PCDH11X: variants seen among roughly 807,000 people sequenced by gnomAD.
PCDH11X encodes protocadherin-11 X-linked.
A neutral mutation model predicts 53.3 loss-of-function variants in PCDH11X; 18 were observed. The observed-to-expected ratio is 0.34, with a 90% CI of 0.23 to 0.50. The LOEUF (loss-of-function observed/expected upper bound fraction) is 0.50, where lower values mean the gene tolerates loss of function less well. Ranked by LOEUF, PCDH11X falls within the 20% of genes least tolerant of loss-of-function variation. The pLI is 0.98. For missense variants in PCDH11X, 570 were observed against 1,032.4 expected, an observed-to-expected ratio of 0.55 and a Z score of 6.14; for synonymous variants, 279 against 393.3, an observed-to-expected ratio of 0.71 and a Z score of 3.44.
At chrX:92,314,413 C>G (rs1156303313) in intron 8 of PCDH11X, among the ~76,000 whole-genome samples, 3 of 111,073 alleles carry the variant, frequency 2.7e-5, no homozygotes, top group African/African-American at 9.8e-5. Flanking sequence ...GAAGGACATG[C>G]CTGAGACTCT....
chrX:92,411,428 TC>T (rs1016664788), intron 9 of PCDH11X, among the ~76,000 whole-genome samples: 3 of 109,368 alleles, frequency 2.7e-5, no homozygotes, highest in African/African-American at 1.0e-4. Flanking sequence ...CCCTCTTTTT[TC>T]CCACCAACCC....
chrX:91,856,374 G>A (rs1938337094), intron 5 of PCDH11X, among the ~76,000 whole-genome samples: 1 of 106,061 alleles, frequency 9.4e-6, no homozygotes, highest in African/African-American at 3.4e-5. Context: ...TCTTTCTAAT[G>A]TATTGTTGAA....
At chrX:92,156,707 A>G in intron 6 of PCDH11X, among the ~76,000 whole-genome samples, 1 of 112,146 alleles carries the variant, frequency 8.9e-6, no homozygotes, top group South Asian at 3.7e-4. Flanking sequence ...CTAGCATATT[A>G]GAGTTGTTAA....
chrX:92,472,882 C>G lies in PCDH11X; in HGVS notation c.3367+4560C>G, dbSNP rs188384791. On this transcript the variant is annotated intron_variant, in intron 10 of 10. Transcript: ENST00000682573. The stretch of plus-strand genomic sequence containing the variant: ...CCAAGGTATTTTATTCTTTTTGTGG[C>G]AAATGTGAATAGGCATCTGTTTGTG... Among the ~76,000 whole-genome samples the G allele has an allele frequency of 8.8e-3, 971 of 110,692 alleles. 10 individuals carry two copies. Among genetic ancestry groups the G allele is most frequent in the African/African-American group, 0.03 (922 of 30,471 alleles).
intron 6 of PCDH11X, among the ~76,000 whole-genome samples, chrX:92,095,116 C>A (rs1404669370): frequency 9.0e-6 from 1 of 110,870 alleles, no homozygotes; most frequent in East Asian, 2.8e-4. Flanking sequence ...CCCTAACCCC[C>A]AATCCCCAGC....
chrX:91,784,157 A>G (rs999736712), intron 1 of PCDH11X, among the ~76,000 whole-genome samples: 3 of 112,227 alleles, frequency 2.7e-5, no homozygotes, highest in African/African-American at 9.7e-5. Flanking sequence ...AATTCGTTAA[A>G]GTAACAACAA....
intron 10 of PCDH11X, among the ~76,000 whole-genome samples, chrX:92,558,467 C>G (rs1412802738): frequency 9.0e-6 from 1 of 111,060 alleles, no homozygotes; most frequent in Non-Finnish European, 1.9e-5. Context: ...TGGGAAGGAA[C>G]TGGTTAAAGA....
At chrX:92,289,320 C>T (rs1276884561) in intron 8 of PCDH11X, among the ~76,000 whole-genome samples, 1 of 110,774 alleles carries the variant, frequency 9.0e-6, no homozygotes, top group African/African-American at 3.3e-5. Flanking sequence ...ATATACAGCA[C>T]ACCGAGGTTG....
chrX:92,458,762 C>A (rs931887063), intron 9 of PCDH11X, among the ~76,000 whole-genome samples: 8 of 108,024 alleles, frequency 7.4e-5, no homozygotes, highest in Non-Finnish European at 1.2e-4. Flanking sequence ...AGCACATTTT[C>A]TTTATCCATT....
chrX:91,831,375 G>A (rs1339818218), intron 4 of PCDH11X, among the ~76,000 whole-genome samples: 1 of 101,676 alleles, frequency 9.8e-6, no homozygotes, highest in African/African-American at 3.6e-5. Flanking sequence ...GTAGGAGAAG[G>A]GCAAAGAAAT....
At chrX:92,537,650 CAAA>C (rs77743001) in intron 10 of PCDH11X, among the ~76,000 whole-genome samples, 1,143 of 75,055 alleles carry the variant, frequency 0.015, 18 homozygotes, top group African/African-American at 0.054. Context: ...ATAACACTGG[CAAA>C]AAAAAAAAAA....
At chrX:92,379,021 A>G in intron 8 of PCDH11X, among the ~76,000 whole-genome samples, 1 of 113,002 alleles carries the variant, frequency 8.8e-6, no homozygotes, top group East Asian at 2.8e-4. Context: ...TGGAGTGGCC[A>G]CTGCCATGAC....
At chrX:91,840,945 T>A (rs916376714) in intron 5 of PCDH11X, among the ~76,000 whole-genome samples, 1 of 110,912 alleles carries the variant, frequency 9.0e-6, no homozygotes, top group African/African-American at 3.3e-5. Context: ...AAATGAAGTT[T>A]CACTTAAAAT....
At chrX:92,138,811 A>G (rs949111291) in intron 6 of PCDH11X, among the ~76,000 whole-genome samples, 10 of 110,576 alleles carry the variant, frequency 9.0e-5, no homozygotes, top group Non-Finnish European at 1.9e-4. Context: ...TCAGTTTCAT[A>G]ATGTATTGAA....
rs751734485 is a variant in PCDH11X, at chrX:91,835,807, A to G, written c.303A>G (p.Pro101=). The change falls in exon 5 of 11, where the codon CCA becomes CCG. Residue 101 remains proline, a synonymous_variant. Transcript: ENST00000682573. ...IDREKLCAGI[P]RDEHCFYEVE... is the part of the protein sequence containing the mutation. ...GTGAGAAATTATGTGCTGGTATCCC[A>G]AGGGATGAGCATTGCTTTTATGAAG... The G allele has an allele frequency of 8.3e-7, 1 of 1,211,012 alleles. No homozygotes were observed. Among genetic ancestry groups the G allele is most frequent in the Non-Finnish European group, 1.1e-6 (1 of 895,284 alleles).
At chrX:92,470,483 T>C (rs930171580) in intron 10 of PCDH11X, among the ~76,000 whole-genome samples, 134 of 106,004 alleles carry the variant, frequency 1.3e-3, no homozygotes, top group Admixed American at 3.8e-3. Flanking sequence ...TCCAGTACTA[T>C]GTTGAATGAC....
At chrX:92,256,191 A>T (rs2067579611) in intron 7 of PCDH11X, among the ~76,000 whole-genome samples, 1 of 110,356 alleles carries the variant, frequency 9.1e-6, no homozygotes, top group East Asian at 2.9e-4. Flanking sequence ...GAGTGACCCG[A>T]TTTTCCCGAT....
At chrX:92,435,900 C>T (rs1369446105) in intron 9 of PCDH11X, among the ~76,000 whole-genome samples, 2 of 108,971 alleles carry the variant, frequency 1.8e-5, no homozygotes, top group Non-Finnish European at 3.8e-5. Flanking sequence ...TAATAACCAG[C>T]TAATAACACA....
chrX:92,279,655 T>G (rs1323001589), intron 8 of PCDH11X, among the ~76,000 whole-genome samples: 5 of 112,572 alleles, frequency 4.4e-5, no homozygotes, highest in Admixed American at 1.9e-4. Context: ...CAAACGCTCC[T>G]ATTAACTTTT....
Sources: allele counts gnomAD v4.1 joint callset (sites outside exome capture counted in the v4.1 genomes callset), GRCh38; gene constraint gnomAD v4.1.1; transcripts MANE v1.5; gene names NCBI Gene and HGNC (gene_info 2026-07-23, HGNC 2026-07-21).